The following IGF2BP3 variants were observed in gnomAD, a reference collection of about 807,000 sequenced individuals.
IGF2BP3 encodes the protein insulin like growth factor 2 mRNA binding protein 3.
A neutral mutation model predicts 73.8 loss-of-function variants in IGF2BP3; 9 were observed. The observed-to-expected ratio is 0.12, with a 90% CI of 0.07 to 0.21. IGF2BP3 has a LOEUF of 0.21. Among genes scored for constraint, IGF2BP3 ranks in the 10% least tolerant of loss-of-function variants. The pLI is 1.00. For synonymous variants in IGF2BP3, 258 were observed against 256.7 expected, an observed-to-expected ratio of 1.01 and a Z score of -0.05; for missense variants, 542 against 714.0, an observed-to-expected ratio of 0.76 and a Z score of 2.75.
intron 3 of IGF2BP3, among the ~76,000 whole-genome samples, chr7:23,372,184 T>C (rs1785571279): frequency 1.3e-5 from 2 of 152,038 alleles, no homozygotes; most frequent in Admixed American, 6.6e-5. Context: ...AAGCGATTCT[T>C]CTGCCTCAGC....
chr7:23,396,659 A>T (rs274017), intron 3 of IGF2BP3: 1 of 151,818 alleles, frequency 6.6e-6, no homozygotes, highest in Non-Finnish European at 1.5e-5. Context: ...TGGTGAGAAT[A>T]AAGAAAGATG....
In IGF2BP3 at chr7:23,456,212, C is replaced by T. The variant is rs115145555; in HGVS notation, c.236+12270G>A. On this transcript the variant is annotated intron_variant, in intron 2 of 14. Coordinates refer to ENST00000258729, the MANE Select transcript of IGF2BP3 (RefSeq NM_006547.3). ...AAGAGCTTCTCCATTTTTTGCAAAA[C>T]CAGCTGGAAAAAAAAAAAAGACATC... 8.5e-3 allele frequency among the ~76,000 whole-genome samples: 1,154 copies of T among 135,510 alleles called. 12 individuals are homozygous for T. Among genetic ancestry groups the T allele is most frequent in the African/African-American group, 0.03 (1,097 of 36,164 alleles). The allele number at this position is 135,510 out of a possible 152,430, so 88.9% of individuals were successfully genotyped here. A position where few individuals can be genotyped will look rare whatever the true frequency, so the allele number is the denominator to read the frequency against.
rs149693867 is a variant in IGF2BP3, at chr7:23,433,230, TA to T, written c.237-14407del. 2.4e-3 allele frequency among the ~76,000 whole-genome samples: 365 copies of T among 151,396 alleles called. 2 individuals are homozygous for T. The highest frequency in any genetic ancestry group is 3.4e-3 in the Middle Eastern group (1 of 290). ...CTAAAACTAGTTTTATAAATATCAT[TA>T]TATTTTTTTCCCAGCAACAAGATAT... On this transcript the variant is annotated intron_variant, in intron 2 of 14. Transcript: ENST00000258729.
rs1031348032 is a variant in IGF2BP3, at chr7:23,470,222, A to G, written c.-112T>C. 8.7e-6 allele frequency: 7 copies of G among 801,640 alleles called. No homozygotes were observed. Among genetic ancestry groups the G allele is most frequent in the Non-Finnish European group, 1.4e-5 (7 of 503,762 alleles). The allele number at this position is 801,640 out of a possible 1,614,324, so 49.7% of individuals were successfully genotyped here. ...TGTTCCCCTCGTCTTCTCGCCTTTA[A>G]AATACACAAACACAGTAAGAACCAA... is the stretch of plus-strand genomic sequence containing the variant. On this transcript the variant is annotated 5_prime_UTR_variant, in exon 1 of 15. Coordinates refer to ENST00000258729, the MANE Select transcript of IGF2BP3 (RefSeq NM_006547.3).
intron 2 of IGF2BP3, among the ~76,000 whole-genome samples, chr7:23,426,145 C>T (rs140144840): frequency 0.02 from 2,975 of 151,466 alleles, 105 homozygotes; most frequent in African/African-American, 0.067. Context: ...TGGCCAACAT[C>T]GTGAAAACCC....
intron 10 of IGF2BP3, among the ~76,000 whole-genome samples, chr7:23,338,065 T>C (rs1305968970): frequency 1.3e-5 from 2 of 152,120 alleles, no homozygotes; most frequent in African/African-American, 2.4e-5. Flanking sequence ...CTAATCCTGA[T>C]ACATGTAGTA....
chr7:23,345,309 C>T (rs1784802828), intron 8 of IGF2BP3, among the ~76,000 whole-genome samples: 1 of 152,252 alleles, frequency 6.6e-6, no homozygotes, highest in African/African-American at 2.4e-5. Context: ...TAGTCCCACA[C>T]ATACATACCA....
chr7:23,373,053 C>T (rs887804137), intron 3 of IGF2BP3, among the ~76,000 whole-genome samples: 18 of 152,034 alleles, frequency 1.2e-4, no homozygotes, highest in Admixed American at 7.9e-4. Flanking sequence ...ATAAATACAC[C>T]GACGGAAACC....
chr7:23,340,837 C>A (rs1035299386), intron 10 of IGF2BP3, among the ~76,000 whole-genome samples: 1 of 149,728 alleles, frequency 6.7e-6, no homozygotes, highest in African/African-American at 2.5e-5. Flanking sequence ...ATATTTCTTT[C>A]TTTTTCTTTT....
chr7:23,449,255 T>C (rs1788137083), intron 2 of IGF2BP3, among the ~76,000 whole-genome samples: 1 of 152,044 alleles, frequency 6.6e-6, no homozygotes, highest in Non-Finnish European at 1.5e-5. Flanking sequence ...TGGTGGCTCA[T>C]GCCTGAAATC....
At chr7:23,403,453 T>A (rs533550419) in intron 3 of IGF2BP3, among the ~76,000 whole-genome samples, 2 of 152,326 alleles carry the variant, frequency 1.3e-5, no homozygotes, top group East Asian at 3.9e-4. Flanking sequence ...TATATATAAG[T>A]GGCTATATTT....
chr7:23,446,075 T>C (rs1470395962), intron 2 of IGF2BP3, among the ~76,000 whole-genome samples: 1 of 152,220 alleles, frequency 6.6e-6, no homozygotes, highest in African/African-American at 2.4e-5. Flanking sequence ...TAATCATCTT[T>C]CCCTCTGTGC....
rs1485356173 is a variant in IGF2BP3 at position 23,368,308 on chromosome 7, G to C, written c.286-6567C>G. Among the ~76,000 whole-genome samples the C allele has an allele frequency of 2.4e-5, 3 of 123,692 alleles. No homozygotes were observed. The East Asian group carries it at 6.8e-4, about 28-fold the overall frequency. The allele number at this position is 123,692 out of a possible 152,430, so 81.1% of individuals were successfully genotyped here. ...TGTTAGTATAGCGAAGACAGAAAGA[G>C]AGAAAGAGAGAGAGAAAGAAAAGAA... On this transcript the variant is annotated intron_variant, in intron 3 of 14. Coordinates refer to ENST00000258729, the MANE Select transcript of IGF2BP3 (RefSeq NM_006547.3).
intron 10 of IGF2BP3, among the ~76,000 whole-genome samples, chr7:23,338,465 G>A (rs1004389009): frequency 1.3e-5 from 2 of 152,144 alleles, no homozygotes; most frequent in Non-Finnish European, 2.9e-5. Context: ...ATTCCAGCCT[G>A]GGCAACATAG....
chr7:23,435,604 C>T (rs1205439275), intron 2 of IGF2BP3, among the ~76,000 whole-genome samples: 2 of 151,824 alleles, frequency 1.3e-5, no homozygotes, highest in African/African-American at 4.8e-5. Flanking sequence ...TACAGGCGCC[C>T]ACCACCACGC....
chr7:23,320,813 T>C (rs184277343), intron 10 of IGF2BP3, among the ~76,000 whole-genome samples: 2 of 151,360 alleles, frequency 1.3e-5, no homozygotes, highest in East Asian at 1.9e-4. Flanking sequence ...CCAGGCATGG[T>C]AGCGCTTGCC....
intron 12 of IGF2BP3, among the ~76,000 whole-genome samples, chr7:23,317,204 G>A (rs951757160): frequency 2.0e-5 from 3 of 152,170 alleles, no homozygotes; most frequent in Admixed American, 2.0e-4. Flanking sequence ...AGATCCCAGG[G>A]ATTAGAGAGA....
At chr7:23,389,021 A>G (rs1371984508) in intron 3 of IGF2BP3, among the ~76,000 whole-genome samples, 1 of 152,218 alleles carries the variant, frequency 6.6e-6, no homozygotes, top group African/African-American at 2.4e-5. Flanking sequence ...GTGTATATGT[A>G]TGTTAAAACT....
Position 23,346,018 on chromosome 7 carries a change from A to T in IGF2BP3, c.863T>A (p.Val288Asp), listed in dbSNP as rs1458981821. ...PLKILAHNNFVGRLIGKEGRN... is the reference protein window; with the variant it reads ...PLKILAHNNFDGRLIGKEGRN... ...TCCTTCTTTACCAATAAGACGTCCAACAAAGTTATTATGAGCTAAAATCTT... is the reference window on the plus strand; with the variant it reads ...TCCTTCTTTACCAATAAGACGTCCATCAAAGTTATTATGAGCTAAAATCTT... The change falls in exon 8 of 15, where the codon GTT (valine) becomes GAT (aspartate). Residue 288 changes from valine to aspartate, a missense_variant. Transcript: ENST00000258729. 6.2e-7 allele frequency: 1 copy of T among 1,613,756 alleles called. No individual in the cohort carries two copies. The highest frequency in any genetic ancestry group is 8.5e-7 in the Non-Finnish European group (1 of 1,179,988).
Sources: gnomAD v4.1 joint callset for allele counts (sites outside exome capture counted in the v4.1 genomes callset) on GRCh38, gnomAD v4.1.1 for gene constraint, MANE v1.5 for transcripts, NCBI Gene and HGNC (gene_info 2026-07-23, HGNC 2026-07-21) for gene names.